Variants in GAS2 observed in about 807,000 individuals in gnomAD.
The protein encoded by GAS2 is growth arrest specific 2.
In GAS2, 20 loss-of-function variants were observed where a neutral mutation model predicts 37.5. The ratio of observed to expected loss-of-function variants is 0.53; its 90% CI spans 0.37 to 0.77. The LOEUF (loss-of-function observed/expected upper bound fraction) is 0.77. GAS2 is among the 30% of genes least tolerant of loss of function. The pLI is 0.00. For missense variants in GAS2, 336 were observed against 373.4 expected, an observed-to-expected ratio of 0.90 and a Z score of 0.82; for synonymous variants, 144 against 132.2, an observed-to-expected ratio of 1.09 and a Z score of -0.61.
chr11:22,738,783 A>G (rs1037132633), intron 5 of GAS2, among the ~76,000 whole-genome samples: 2 of 152,188 alleles, frequency 1.3e-5, no homozygotes, highest in Admixed American at 1.3e-4. Flanking sequence ...AGAATATGTA[A>G]CCTCAAGTTC....
chr11:22,681,531 G>T (rs1402385453), intron 2 of GAS2, among the ~76,000 whole-genome samples: 2 of 152,072 alleles, frequency 1.3e-5, no homozygotes, highest in African/African-American at 4.8e-5. Flanking sequence ...ACCAGCACCG[G>T]TCAGGACTTT....
intron 7 of GAS2, among the ~76,000 whole-genome samples, chr11:22,758,913 C>CTAAAAAAAAAAAA (rs1854203802): frequency 2.7e-5 from 2 of 73,314 alleles, no homozygotes; most frequent in Admixed American, 2.0e-4. Flanking sequence ...AACTCCGTCT[C>CTAAAAAAAAAAAA]AAAAAAAAAA....
chr11:22,782,719 T>A (rs1388416131), intron 7 of GAS2, among the ~76,000 whole-genome samples: 1 of 141,658 alleles, frequency 7.1e-6, no homozygotes, highest in Non-Finnish European at 1.5e-5. Context: ...GCTGCATCCA[T>A]GTTGCTGCAA....
intron 1 of GAS2, among the ~76,000 whole-genome samples, chr11:22,635,527 A>T (rs982386092): frequency 1.3e-5 from 2 of 152,182 alleles, no homozygotes; most frequent in African/African-American, 4.8e-5. Flanking sequence ...CCAGGCCATA[A>T]GCCTTCCCTA....
chr11:22,761,182 A>G (rs1476808785), intron 7 of GAS2, among the ~76,000 whole-genome samples: 1 of 152,130 alleles, frequency 6.6e-6, no homozygotes, highest in East Asian at 1.9e-4. Context: ...TGCAGACCCT[A>G]TCAGTGATCT....
intron 3 of GAS2, among the ~76,000 whole-genome samples, chr11:22,704,607 A>ATC (rs1851012214): frequency 7.0e-6 from 1 of 142,038 alleles, no homozygotes; most frequent in African/African-American, 2.6e-5. Context: ...ATATATATAT[A>ATC]TATATATATA....
At chr11:22,731,215 A>G in intron 4 of GAS2, 1 of 299,246 alleles carries the variant, frequency 3.3e-6, no homozygotes, top group South Asian at 3.1e-5. Flanking sequence ...TTATTTATAC[A>G]CATTCTGGTG....
At chr11:22,646,711 C>T (rs1254744745) in intron 1 of GAS2, among the ~76,000 whole-genome samples, 3 of 152,068 alleles carry the variant, frequency 2.0e-5, no homozygotes, top group Non-Finnish European at 2.9e-5. Flanking sequence ...TCTTTTAAAA[C>T]TTAATCCAGA....
chr11:22,790,959 C>A (rs1036433398), intron 7 of GAS2, among the ~76,000 whole-genome samples: 49 of 151,982 alleles, frequency 3.2e-4, no homozygotes, highest in Admixed American at 6.6e-4. Flanking sequence ...AAATGGACAT[C>A]AGAGGAGAAA....
intron 1 of GAS2, among the ~76,000 whole-genome samples, chr11:22,657,461 C>G (rs939798536): frequency 2.6e-5 from 4 of 152,100 alleles, no homozygotes; most frequent in Non-Finnish European, 4.4e-5. Context: ...TGCATAGTAG[C>G]TCAGAGAGTG....
At chr11:22,745,130 A>AAAG (rs1554978183) in intron 5 of GAS2, among the ~76,000 whole-genome samples, 61 of 150,682 alleles carry the variant, frequency 4.0e-4, no homozygotes, top group Non-Finnish European at 5.8e-4. Context: ...AAAAAAAAAA[A>AAAG]AAAGAAAGAA....
intron 7 of GAS2, among the ~76,000 whole-genome samples, chr11:22,788,493 C>CCT (rs1314647961): frequency 6.6e-6 from 1 of 152,064 alleles, no homozygotes; most frequent in African/African-American, 2.4e-5. Context: ...TATCCCTGCC[C>CCT]CTACTTGTGA....
At chr11:22,785,214 C>G (rs1484500953) in intron 7 of GAS2, among the ~76,000 whole-genome samples, 1 of 152,158 alleles carries the variant, frequency 6.6e-6, no homozygotes, top group African/African-American at 2.4e-5. Flanking sequence ...CCATAGCACT[C>G]AGAAAGTGCA....
intron 2 of GAS2, among the ~76,000 whole-genome samples, chr11:22,679,334 G>A (rs1004366830): frequency 6.6e-6 from 1 of 151,888 alleles, no homozygotes; most frequent in South Asian, 2.1e-4. Context: ...TTTTATTTTA[G>A]ATCTTTTGTT....
intron 5 of GAS2, among the ~76,000 whole-genome samples, chr11:22,743,376 T>G (rs765946340): frequency 6.6e-6 from 1 of 152,094 alleles, no homozygotes; most frequent in African/African-American, 2.4e-5. Context: ...ACACTTAATT[T>G]GTCAATTAAC....
intron 1 of GAS2, among the ~76,000 whole-genome samples, chr11:22,651,826 T>A (rs1486751575): frequency 6.6e-6 from 1 of 152,188 alleles, no homozygotes; most frequent in Non-Finnish European, 1.5e-5. Flanking sequence ...TCTTCTAAAC[T>A]TTTTTCAAAG....
intron 1 of GAS2, among the ~76,000 whole-genome samples, chr11:22,642,742 T>G (rs1848644383): frequency 6.6e-6 from 1 of 152,160 alleles, no homozygotes; most frequent in African/African-American, 2.4e-5. Flanking sequence ...AACAAGATAG[T>G]TCTATCCACT....
chr11:22,746,899 A>G (rs1853437523), intron 5 of GAS2, among the ~76,000 whole-genome samples: 2 of 152,306 alleles, frequency 1.3e-5, no homozygotes, highest in South Asian at 4.1e-4. Flanking sequence ...AGGTCAATGG[A>G]ACAGTTAGTT....
At chr11:22,650,428 T>A (rs557473931) in intron 1 of GAS2, among the ~76,000 whole-genome samples, 2 of 152,188 alleles carry the variant, frequency 1.3e-5, no homozygotes, top group Admixed American at 1.3e-4. Context: ...TAGATGTCTA[T>A]TAGGTCCGTT....
Sources: allele counts gnomAD v4.1 joint callset (sites outside exome capture counted in the v4.1 genomes callset), GRCh38; gene constraint gnomAD v4.1.1; transcripts MANE v1.5; gene names NCBI Gene and HGNC (gene_info 2026-07-23, HGNC 2026-07-21).